Variants in CEACAM19 observed in about 807,000 individuals in gnomAD.
The protein encoded by CEACAM19 is cell adhesion molecule CEACAM19.
In CEACAM19, 37 loss-of-function variants were observed where a neutral mutation model predicts 37.6. That is an observed-to-expected ratio of 0.98 (90% CI 0.76 to 1.29). The LOEUF (loss-of-function observed/expected upper bound fraction) is 1.29. Ranked by LOEUF, CEACAM19 falls within the 50% of genes most tolerant of loss-of-function variation. The pLI is 0.00. For missense variants in CEACAM19, 340 were observed against 375.6 expected (o/e 0.91, Z 0.78); for synonymous variants, 140 against 149.8 (o/e 0.93, Z 0.48).
At chr19:44,668,392 T>TTATATATTATA (rs1555767353), upstream of CEACAM19, among the ~76,000 whole-genome samples, 2 of 53,662 alleles carry the variant, frequency 3.7e-5, 1 homozygote, top group Non-Finnish European at 6.0e-5. Flanking sequence ...TATAATATAT[T>TTATATATTATA]TATATAATAT....
intron 1 of CEACAM19, 64 bp downstream of exon 1, chr19:44,672,050 T>C: frequency 7.3e-7 from 1 of 1,365,690 alleles, no homozygotes; most frequent in Non-Finnish European, 1.0e-6. Context: ...GAGATTGAAG[T>C]TTCCTCTTAG....
chr19:44,683,184 G>T, intron 7 of CEACAM19: 1 of 405,918 alleles, frequency 2.5e-6, no homozygotes, highest in Non-Finnish European at 4.4e-6. Context: ...TCGTTTCTCT[G>T]CATCTCTGTC....
chr19:44,679,060 G>A (rs1974006715), intron 4 of CEACAM19, 124 bp downstream of exon 4: 10 of 1,380,220 alleles, frequency 7.2e-6, no homozygotes, highest in Admixed American at 6.9e-5. Flanking sequence ...TGGTGCGATC[G>A]TAGCTCACCG....
chr19:44,676,242 C>T, intron 2 of CEACAM19, 29 bp from the exon 3 acceptor site: 4 of 1,611,080 alleles, frequency 2.5e-6, no homozygotes, highest in South Asian at 1.1e-5. Context: ...CACAGTCCCC[C>T]CTCTCTCTTT....
chr19:44,676,280 A>G lies in CEACAM19; in HGVS notation c.434A>G (p.Lys145Arg), dbSNP rs772057396. Reference sequence around the variant, plus strand: ...TTCTCTCACCCCTCAGAAAAGAATAAGGAGCTGCCCAGTACACACCTGCCC... The same window carrying G: ...TTCTCTCACCCCTCAGAAAAGAATAGGGAGCTGCCCAGTACACACCTGCCC... ...KTEVQVAEKN[K>R]ELPSTHLPTN... Residue 145 changes from lysine (K) to arginine (R), a missense_variant, in exon 3 of 8, where the codon AAG becomes AGG. By Grantham distance (26) the Lys-to-Arg change is conservative. Coordinates refer to ENST00000358777, the MANE Select transcript of CEACAM19 (RefSeq NM_001127893.3). 6.2e-7 allele frequency: 1 copy of G among 1,614,056 alleles called. No homozygotes were observed. Among genetic ancestry groups the G allele is most frequent in the Admixed American group, 1.7e-5 (1 of 60,012 alleles).
rs763753768 is a variant in CEACAM19, at chr19:44,676,247, CTCTT to C, written c.425-16_425-13del. 2.7e-5 allele frequency: 43 copies of C among 1,612,020 alleles called. No individual in the cohort carries two copies. Among genetic ancestry groups the C allele is most frequent in the Middle Eastern group, 1.6e-4 (1 of 6,068 alleles). Reference sequence around the variant, plus strand: ...GGAGACATCGCACAGTCCCCCCTCTCTCTTTCTTTCTCTCACCCCTCAGAAAAGA... The same window carrying C: ...GGAGACATCGCACAGTCCCCCCTCTCTCTTTCTCTCACCCCTCAGAAAAGA... On this transcript the variant is annotated intron_variant, in intron 2 of 7. Transcript: ENST00000358777.
Position 44,681,377 on chromosome 19 carries a change from C to T in CEACAM19, c.792+65C>T, listed in dbSNP as rs1974056976. 3 of 1,039,600 alleles carry T rather than the reference C, an allele frequency of 2.9e-6. No individual in the cohort carries two copies. The East Asian group carries it at 7.5e-5, about 26-fold the overall frequency. The allele number at this position is 1,039,600 out of a possible 1,614,324, so 64.4% of individuals were successfully genotyped here. On this transcript the variant is annotated intron_variant, in intron 6 of 7. Transcript: ENST00000358777. Reference sequence around the variant, plus strand: ...AACAGGCGCCTCCTCTCTGAGCTGGCTGTGGTCCTCTGGGCCATCTTGACA... The same window carrying T: ...AACAGGCGCCTCCTCTCTGAGCTGGTTGTGGTCCTCTGGGCCATCTTGACA...
intron 6 of CEACAM19, 83 bp downstream of exon 6, chr19:44,681,395 T>C (rs1160006605): frequency 2.5e-6 from 2 of 816,046 alleles, no homozygotes; most frequent in African/African-American, 1.7e-5. Context: ...CTCTGGGCCA[T>C]CTTGACACCA....
upstream of CEACAM19, among the ~76,000 whole-genome samples, chr19:44,670,108 G>A (rs919715713): frequency 1.3e-5 from 2 of 152,056 alleles, no homozygotes; most frequent in Non-Finnish European, 1.5e-5. Context: ...GATCACTTGA[G>A]CCCAGGAGTT....
At chr19:44,678,644 C>A (rs1006800517) in intron 3 of CEACAM19, 8 of 533,208 alleles carry the variant, frequency 1.5e-5, no homozygotes, top group Non-Finnish European at 2.5e-5. Flanking sequence ...CTCCTGAACT[C>A]AGGTGATCTG....
rs1326911480 is a variant in CEACAM19 at position 44,679,738 on chromosome 19, G to A, written c.660-550G>A. 9.3e-5 allele frequency among the ~76,000 whole-genome samples: 14 copies of A among 150,954 alleles called. No homozygotes were observed. The East Asian group carries it at 2.7e-3, about 30-fold the overall frequency. ...CACTCCAGCCTGGGCGACAGAGCGA[G>A]ACTCTGTCTCAAAAAAAAAAATTAA... is the stretch of plus-strand genomic sequence containing the variant. On this transcript the variant is annotated intron_variant, in intron 4 of 7. Coordinates refer to ENST00000358777, the MANE Select transcript of CEACAM19 (RefSeq NM_001127893.3).
At chr19:44,672,375 T>C (rs1973870238) in intron 1 of CEACAM19, 2 of 474,244 alleles carry the variant, frequency 4.2e-6, no homozygotes, top group East Asian at 3.3e-5. Flanking sequence ...CATCTCAAGG[T>C]AGAAAAACCT....
Position 44,676,716 on chromosome 19 carries a change from C to T in CEACAM19, c.575+295C>T, listed in dbSNP as rs527356516. Among the ~76,000 whole-genome samples the T allele has an allele frequency of 1.1e-4, 17 of 152,262 alleles. No homozygotes were observed. In the East Asian group the frequency reaches 3.1e-3, roughly 28 times the overall value. The stretch of plus-strand genomic sequence containing the variant: ...CGACTCACTGCAGCCTCAACTTCCC[C>T]GGACTCAGGTGAGTCTTTCACCTCA... On this transcript the variant is annotated intron_variant, in intron 3 of 7. Coordinates refer to ENST00000358777, the MANE Select transcript of CEACAM19 (RefSeq NM_001127893.3).
In CEACAM19 at chr19:44,682,635, G is replaced by T; in HGVS notation, c.846+15G>T. The T allele has an allele frequency of 3.1e-6, 5 of 1,592,872 alleles. No individual in the cohort carries two copies. The highest frequency in any genetic ancestry group is 4.3e-6 in the Non-Finnish European group (5 of 1,169,706). ...ACCAGTACCAGGTATGGAGCTGGGA[G>T]CTGGGAGGGGTGGTGGGGATCCCAC... is the stretch of plus-strand genomic sequence containing the variant. On this transcript the variant is annotated intron_variant, in intron 7 of 7. Coordinates refer to ENST00000358777, the MANE Select transcript of CEACAM19 (RefSeq NM_001127893.3).
At chr19:44,682,528 G>T (rs1033207109) in intron 6 of CEACAM19, 39 bp from the exon 7 acceptor site, 8 of 1,558,070 alleles carry the variant, frequency 5.1e-6, no homozygotes, top group African/African-American at 1.4e-5. Flanking sequence ...GAGGGTGGGG[G>T]GTGCCGAGCG....
rs1353309492 is a variant in CEACAM19 at position 44,678,857 on chromosome 19, C to T, written c.580C>T (p.Pro194Ser). 6.8e-6 allele frequency: 11 copies of T among 1,613,846 alleles called. No homozygotes were observed. The highest frequency in any genetic ancestry group is 8.5e-6 in the Non-Finnish European group (10 of 1,179,870). ...RNWRGQSHRL[P>S]APRGQGSLSI... ...TCCCCTCTCTTTCCACCCTAGACTG[C>T]CTGCTCCGAGGGGCCAGGGATCTCT... The change falls in exon 4 of 8, where the codon CCT becomes TCT. Residue 194 changes from proline (P) to serine (S), a missense_variant. Transcript: ENST00000358777.
At chr19:44,673,074 C>G in intron 2 of CEACAM19, 110 bp downstream of exon 2, 1 of 908,936 alleles carries the variant, frequency 1.1e-6, no homozygotes, top group Non-Finnish European at 1.5e-6. Context: ...CATTTATTCA[C>G]TTGACACATA....
At chr19:44,670,795 A>AC (rs1973842039), upstream of CEACAM19, among the ~76,000 whole-genome samples, 1 of 127,656 alleles carries the variant, frequency 7.8e-6, no homozygotes, top group Non-Finnish European at 1.6e-5. Flanking sequence ...AAAAAAAAAA[A>AC]AAAAAAAAAA....
At chr19:44,669,446 CAT>C (rs1973820792), upstream of CEACAM19, among the ~76,000 whole-genome samples, 1 of 152,040 alleles carries the variant, frequency 6.6e-6, no homozygotes, top group South Asian at 2.1e-4. Flanking sequence ...TAAATAGCCA[CAT>C]ATGACTAATA....
Sources: allele counts gnomAD v4.1 joint callset (sites outside exome capture counted in the v4.1 genomes callset), GRCh38; gene constraint gnomAD v4.1.1; transcripts MANE v1.5; gene names NCBI Gene and HGNC (gene_info 2026-07-23, HGNC 2026-07-21).